NRG3: variants seen among roughly 807,000 people sequenced by gnomAD.
The protein encoded by NRG3 is pro-neuregulin-3, membrane-bound isoform.
Under a neutral mutation model 66.9 loss-of-function variants are expected in NRG3, and 31 were observed. The ratio of observed to expected loss-of-function variants is 0.46; its 90% confidence interval spans 0.35 to 0.63. The LOEUF (loss-of-function observed/expected upper bound fraction) is 0.63. Among genes scored for constraint, NRG3 ranks in the 20% least tolerant of loss-of-function variants. The pLI, the probability that NRG3 is intolerant of heterozygous loss-of-function variation, is 0.00. For missense variants in NRG3, 910 were observed against 878.9 expected, an observed-to-expected ratio of 1.04 and a Z score of -0.45; for synonymous variants, 393 against 359.4, an observed-to-expected ratio of 1.09 and a Z score of -1.06.
intron 2 of NRG3, among the ~76,000 whole-genome samples, chr10:82,412,462 A>G (rs970821742): frequency 6.6e-6 from 1 of 152,196 alleles, no homozygotes; most frequent in African/African-American, 2.4e-5. Flanking sequence ...GATTAAAAAA[A>G]GGTAACAATC....
At chr10:82,404,807 T>G (rs555437156) in intron 2 of NRG3, among the ~76,000 whole-genome samples, 1 of 152,236 alleles carries the variant, frequency 6.6e-6, no homozygotes, top group South Asian at 2.1e-4. Context: ...GGACACCCAT[T>G]TTTGCATTAA....
intron 4 of NRG3, among the ~76,000 whole-genome samples, chr10:82,879,916 T>A (rs989794508): frequency 6.6e-6 from 1 of 151,578 alleles, no homozygotes; most frequent in African/African-American, 2.4e-5. Context: ...TGAGGTCGCC[T>A]GTCTTCATGT....
At chr10:82,488,744 G>T (rs557335826) in intron 2 of NRG3, among the ~76,000 whole-genome samples, 1 of 152,032 alleles carries the variant, frequency 6.6e-6, no homozygotes, top group Non-Finnish European at 1.5e-5. Flanking sequence ...TGACCAGTTG[G>T]GTCTTGAATG....
intron 4 of NRG3, among the ~76,000 whole-genome samples, chr10:82,879,609 A>G (rs2136048651): frequency 6.6e-6 from 1 of 151,688 alleles, no homozygotes; most frequent in African/African-American, 2.4e-5. Flanking sequence ...AGTAGGTGGG[A>G]CTACAGGCGC....
At chr10:82,701,255 C>G (rs1208285099) in intron 2 of NRG3, among the ~76,000 whole-genome samples, 2 of 152,076 alleles carry the variant, frequency 1.3e-5, no homozygotes, top group Non-Finnish European at 2.9e-5. Flanking sequence ...TACATGTTTG[C>G]TGAATGTGTA....
intron 4 of NRG3, among the ~76,000 whole-genome samples, chr10:82,894,950 G>A (rs1250326719): frequency 1.3e-5 from 2 of 152,068 alleles, no homozygotes; most frequent in Non-Finnish European, 2.9e-5. Context: ...CTGTGTCCAT[G>A]CGTTCTTTGT....
rs561159411 is a variant in NRG3, at chr10:82,753,199, A to G, written c.1027+14549A>G. Among the ~76,000 whole-genome samples, 6 of 152,302 alleles carry G rather than the reference A, an allele frequency of 3.9e-5. No individual in the cohort carries two copies. The South Asian group carries it at 1.2e-3, about 32-fold the overall frequency. ...TTGTCTTTGTTTAATCTTAGAAGTG[A>G]AGAATACTAACTCATTCATTTTTAA... On this transcript the variant is annotated intron_variant, in intron 3 of 8. Coordinates refer to ENST00000372141, the MANE Select transcript of NRG3 (RefSeq NM_001010848.4).
intron 2 of NRG3, among the ~76,000 whole-genome samples, chr10:82,544,283 T>G (rs2043743511): frequency 6.6e-6 from 1 of 152,168 alleles, no homozygotes; most frequent in Non-Finnish European, 1.5e-5. Context: ...CATAGATGAG[T>G]CAATCCATAA....
At chr10:82,456,292 A>T (rs1057450696) in intron 2 of NRG3, among the ~76,000 whole-genome samples, 1 of 151,932 alleles carries the variant, frequency 6.6e-6, no homozygotes, top group Non-Finnish European at 1.5e-5. Context: ...AGTATGTGCT[A>T]CAACAACTGG....
intron 2 of NRG3, among the ~76,000 whole-genome samples, chr10:82,581,486 TC>T (rs1265681122): frequency 2.6e-5 from 4 of 152,008 alleles, no homozygotes. Context: ...TTTTTTTCTT[TC>T]ATAGATGGTA....
intron 4 of NRG3, among the ~76,000 whole-genome samples, chr10:82,916,711 G>A (rs1390091393): frequency 6.6e-6 from 1 of 151,866 alleles, no homozygotes; most frequent in Admixed American, 6.6e-5. Flanking sequence ...CGCCTCCCAG[G>A]TTCAAGCGAT....
chr10:82,388,831 C>G (rs1040572746), intron 2 of NRG3, among the ~76,000 whole-genome samples: 2 of 152,194 alleles, frequency 1.3e-5, no homozygotes, highest in African/African-American at 4.8e-5. Flanking sequence ...GTCTCACAAA[C>G]TAAGCTCTCC....
intron 2 of NRG3, 66 bp from the exon 3 acceptor site, chr10:82,738,511 A>G (rs1382766489): frequency 8.0e-7 from 1 of 1,242,284 alleles, no homozygotes. Flanking sequence ...TGGCTATTTT[A>G]CTTGTTGAAA....
At chr10:82,106,187 G>A (rs995499838) in intron 1 of NRG3, among the ~76,000 whole-genome samples, 1 of 151,556 alleles carries the variant, frequency 6.6e-6, no homozygotes, top group Non-Finnish European at 1.5e-5. Context: ...CCTGACCTTT[G>A]GTGACAATTG....
chr10:82,362,601 G>A (rs2084258029), intron 2 of NRG3, among the ~76,000 whole-genome samples: 1 of 144,104 alleles, frequency 6.9e-6, no homozygotes, highest in African/African-American at 2.6e-5. Context: ...GGTTGCCCAG[G>A]CTGGTCTCCA....
intron 2 of NRG3, among the ~76,000 whole-genome samples, chr10:82,426,627 T>C (rs1010124513): frequency 1.4e-5 from 2 of 145,968 alleles, no homozygotes; most frequent in Non-Finnish European, 3.0e-5. Flanking sequence ...TTATTATTAT[T>C]ATTATTATTA....
At chr10:82,728,593 G>T (rs1335711604) in intron 2 of NRG3, among the ~76,000 whole-genome samples, 1 of 152,154 alleles carries the variant, frequency 6.6e-6, no homozygotes, top group Non-Finnish European at 1.5e-5. Context: ...CCAGTCTTGG[G>T]TATGTCTTTA....
intron 1 of NRG3, among the ~76,000 whole-genome samples, chr10:82,052,762 A>G (rs979699322): frequency 2.0e-4 from 31 of 152,308 alleles, no homozygotes; most frequent in African/African-American, 6.3e-4. Context: ...AGAAGGGGCA[A>G]CATTGTTTAG....
At chr10:82,268,543 C>T (rs547374856) in intron 1 of NRG3, among the ~76,000 whole-genome samples, 5 of 152,056 alleles carry the variant, frequency 3.3e-5, no homozygotes, top group African/African-American at 1.2e-4. Context: ...TAAATCTATC[C>T]TCTTTCTTAT....
Sources: gnomAD v4.1 joint callset for allele counts (sites outside exome capture counted in the v4.1 genomes callset) on GRCh38, gnomAD v4.1.1 for gene constraint, MANE v1.5 for transcripts, NCBI Gene and HGNC (gene_info 2026-07-23, HGNC 2026-07-21) for gene names.